NLRP1: variants seen among roughly 807,000 people sequenced by gnomAD.
The protein encoded by NLRP1 is NLR family pyrin domain containing 1.
In NLRP1, 94 loss-of-function variants were observed where a neutral mutation model predicts 136.7. That is an observed-to-expected ratio of 0.69 (90% CI 0.58 to 0.82). The LOEUF (loss-of-function observed/expected upper bound fraction) is 0.82, where lower values mean the gene tolerates loss of function less well. NLRP1 is among the 40% of genes least tolerant of loss of function. The probability of loss-of-function intolerance (pLI) is 0.00; values close to 1 mark genes in which losing one functional copy is unlikely to be tolerated. For missense variants in NLRP1, 1,575 were observed against 1,802.7 expected (o/e 0.87, Z 2.29); for synonymous variants, 690 against 725.1 (o/e 0.95, Z 0.78).
At chr17:5,501,742 G>A in exon 16 of NLRP1, 2 of 1,266,096 alleles carry the variant, frequency 1.6e-6, no homozygotes, top group South Asian at 2.4e-5. Flanking sequence ...CCCACCTGCG[G>A]TCTACTCAGG....
intron 15 of NLRP1, chr17:5,503,094 G>C (rs534449770): frequency 6.6e-6 from 1 of 150,732 alleles, no homozygotes. Context: ...GGGTGCAATG[G>C]GAGGGTTTTC....
chr17:5,561,650 A>G (rs1914769620), intron 3 of NLRP1, among the ~76,000 whole-genome samples: 1 of 113,422 alleles, frequency 8.8e-6, no homozygotes, highest in Non-Finnish European at 1.9e-5. Context: ...TCACCTTGTT[A>G]GCCAGGATGG....
At chr17:5,522,523 T>C (rs940359231) in intron 12 of NLRP1, among the ~76,000 whole-genome samples, 17 of 152,350 alleles carry the variant, frequency 1.1e-4, no homozygotes, top group Admixed American at 2.6e-4. Context: ...AACAAATTTC[T>C]GTTATTTACA....
chr17:5,562,193 C>T (rs1315686030), intron 3 of NLRP1, among the ~76,000 whole-genome samples: 2 of 152,222 alleles, frequency 1.3e-5, no homozygotes, highest in Non-Finnish European at 2.9e-5. Flanking sequence ...GGTGCCATCC[C>T]CTGTTCCTCT....
chr17:5,538,427 C>T (rs1567645158), intron 7 of NLRP1, among the ~76,000 whole-genome samples: 1 of 152,164 alleles, frequency 6.6e-6, no homozygotes, highest in Non-Finnish European at 1.5e-5. Flanking sequence ...AATACTCTCC[C>T]CAACTTGGCC....
At chr17:5,568,439 T>C (rs1425049648) in intron 3 of NLRP1, among the ~76,000 whole-genome samples, 1 of 152,188 alleles carries the variant, frequency 6.6e-6, no homozygotes, top group Non-Finnish European at 1.5e-5. Flanking sequence ...TTATTACATT[T>C]ATCTGCTAGA....
chr17:5,512,443 C>T (rs567059368), downstream of NLRP1: 71 of 788,268 alleles, frequency 9.0e-5, 1 homozygote, highest in African/African-American at 5.7e-4. Flanking sequence ...CGCAATTCCA[C>T]GACCAGGTTT....
chr17:5,564,183 T>A (rs1349282853), intron 3 of NLRP1, among the ~76,000 whole-genome samples: 1 of 152,226 alleles, frequency 6.6e-6, no homozygotes, highest in Non-Finnish European at 1.5e-5. Context: ...CTCAAACATT[T>A]AACCTTTGAG....
intron 11 of NLRP1, among the ~76,000 whole-genome samples, chr17:5,531,172 T>TAATC (rs1440902952): frequency 3.8e-4 from 48 of 126,510 alleles, no homozygotes; most frequent in African/African-American, 1.3e-3. Flanking sequence ...CTAATCTATC[T>TAATC]AATCTATCTA....
intron 12 of NLRP1, among the ~76,000 whole-genome samples, chr17:5,523,565 G>T (rs1194444233): frequency 3.9e-5 from 6 of 152,096 alleles, no homozygotes; most frequent in African/African-American, 7.2e-5. Flanking sequence ...AGCCAGAATT[G>T]GTACCTTTGA....
chr17:5,521,614 G>A lies in NLRP1; in HGVS notation c.3693C>T (p.Val1231=), dbSNP rs1219165019. 3.1e-6 allele frequency: 5 copies of A among 1,614,030 alleles called. No homozygotes were observed. The highest frequency in any genetic ancestry group is 4.2e-6 in the Non-Finnish European group (5 of 1,180,040). The stretch of plus-strand genomic sequence containing the variant: ...GGTGGTAAAGCAACACCACAGAGGT[G>A]ACGGGAATGAAGCGCAGGGCATTAT... ...MIHNALRFIP[V]TSVVLLYHRV... is the part of the protein sequence containing the mutation. The change falls in exon 13 of 17, where the codon GTC becomes GTT. Residue 1231 remains valine, a synonymous_variant. Transcript: ENST00000572272.
intron 4 of NLRP1, among the ~76,000 whole-genome samples, chr17:5,555,936 G>A (rs1289836882): frequency 1.3e-5 from 2 of 151,602 alleles, no homozygotes; most frequent in African/African-American, 2.4e-5. Flanking sequence ...CTACTAAGAC[G>A]ACAAAAAATT....
In NLRP1 at chr17:5,553,407, C is replaced by T. The variant is rs201879763; in HGVS notation, c.2507G>A (p.Arg836His). 696 of 1,613,274 alleles carry T rather than the reference C, an allele frequency of 4.3e-4. 8 individuals are homozygous for T. The South Asian group carries it at 7.0e-3, about 16-fold the overall frequency. Residue 836 changes from arginine (R) to histidine (H), a missense_variant, in exon 5 of 17, where the codon CGC (arginine) becomes CAC (histidine). Coordinates refer to ENST00000572272, the MANE Select transcript of NLRP1 (RefSeq NM_033004.4). ...KSLCKTLRRP[R>H]CLLETLRLAG... ...TCACCGCAGGGTCTCCAGGAGGCAG[C>T]GAGGGCGTCTCAGGGTCTTACAAAG...
rs953804728 is a variant in NLRP1, at chr17:5,559,208, A to G, written c.1488T>C (p.Asp496=). The part of the protein sequence containing the change: ...RKEYFYRYFT[D]ERQAIRAFRL... The stretch of plus-strand genomic sequence containing the variant: ...TAAAGGCTCTAATTGCTTGCCTTTC[A>G]TCTGTGAAATATCTGTAGAAATATT... Residue 496 remains aspartate, a synonymous_variant, in exon 4 of 17, where the codon GAT becomes GAC. Transcript: ENST00000572272. The G allele has an allele frequency of 6.2e-7, 1 of 1,614,158 alleles. No homozygotes were observed.
At chr17:5,525,354 T>C (rs1909396457) in intron 12 of NLRP1, among the ~76,000 whole-genome samples, 1 of 152,204 alleles carries the variant, frequency 6.6e-6, no homozygotes, top group Admixed American at 6.5e-5. Flanking sequence ...GCATGACAAG[T>C]GCTCCGCCAA....
Position 5,558,608 on chromosome 17 carries a change from C to T in NLRP1, c.2088G>A (p.Gln696=). The T allele has an allele frequency of 1.2e-6, 2 of 1,614,068 alleles. No individual in the cohort carries two copies. The highest frequency in any genetic ancestry group is 8.5e-7 in the Non-Finnish European group (1 of 1,180,002). ...MENIFHCRLS[Q]GRNLMQWVPS... ...GGACCCACTGCATCAGGTTCCTCCC[C>T]TGAGACAGCCGGCAGTGAAAGATGT... Residue 696 remains glutamine, a synonymous_variant, in exon 4 of 17, where the codon CAG becomes CAA. Coordinates refer to ENST00000572272, the MANE Select transcript of NLRP1 (RefSeq NM_033004.4).
Position 5,558,203 on chromosome 17 carries a change from A to G in NLRP1, c.2357+136T>C, listed in dbSNP as rs374204847. The G allele has an allele frequency of 4.8e-5, 41 of 847,904 alleles. 1 individual carries two copies. The highest frequency in any genetic ancestry group is 2.6e-4 in the African/African-American group (15 of 58,728). 52.5% of individuals were successfully genotyped at this position (847,904 alleles called of 1,614,324 possible). ...AGCATGGTGGTCAGATTGGGCAGTTAGAAGTCACTGGAGACCCTGATCCTT... is the reference window on the plus strand; with the variant it reads ...AGCATGGTGGTCAGATTGGGCAGTTGGAAGTCACTGGAGACCCTGATCCTT... On this transcript the variant is annotated intron_variant, in intron 4 of 16. Coordinates refer to ENST00000572272, the MANE Select transcript of NLRP1 (RefSeq NM_033004.4).
At position 5,583,424 on chromosome 17, in the gene NLRP1, A is replaced by G. The variant is rs1197067140; in HGVS notation, c.271+263T>C. ...GTGCCTGACTCCCAAGTCCGTGCTC[A>G]TAACTACAATGCCAGGCGAGTACCG... On this transcript the variant is annotated intron_variant, in intron 1 of 16. Coordinates refer to ENST00000572272, the MANE Select transcript of NLRP1 (RefSeq NM_033004.4). This position sits in a 1 kb window ranked among gnomAD's most constrained non-coding sequence, Gnocchi z 4.5. Among the ~76,000 whole-genome samples, 2 of 152,184 alleles carry G rather than the reference A, an allele frequency of 1.3e-5. No homozygotes were observed. The highest frequency in any genetic ancestry group is 1.3e-4 in the Admixed American group (2 of 15,282).
chr17:5,513,693 T>C (rs896413445), downstream of NLRP1, among the ~76,000 whole-genome samples: 3 of 152,142 alleles, frequency 2.0e-5, no homozygotes, highest in African/African-American at 7.2e-5. Context: ...TCTCTGTCCT[T>C]CTACAACCTC....
Sources: gnomAD v4.1 joint callset for allele counts (sites outside exome capture counted in the v4.1 genomes callset) on GRCh38, gnomAD v4.1.1 for gene constraint, Gnocchi (gnomAD v3.1) non-coding constraint, MANE v1.5 for transcripts, NCBI Gene and HGNC (gene_info 2026-07-23, HGNC 2026-07-21) for gene names.